RYR3: variants seen among roughly 807,000 people sequenced by gnomAD.
The protein encoded by RYR3 is brain ryanodine receptor-calcium release channel.
RYR3 carries 207 observed loss-of-function variants against 584.3 expected under a neutral mutation model. The ratio of observed to expected loss-of-function variants is 0.35; its 90% CI spans 0.32 to 0.40. The LOEUF (loss-of-function observed/expected upper bound fraction) is 0.40. Ranked by LOEUF, RYR3 falls within the 10% of genes least tolerant of loss-of-function variation. The pLI is 1.00. For missense variants in RYR3, 5,616 were observed against 6,089.2 expected (o/e 0.92, Z 2.59); for synonymous variants, 2,416 against 2,248.5 (o/e 1.07, Z -2.11).
chr15:33,802,776 T>G (rs2075987589), intron 69 of RYR3, among the ~76,000 whole-genome samples: 1 of 152,254 alleles, frequency 6.6e-6, no homozygotes, highest in African/African-American at 2.4e-5. Context: ...TGTGCCTCAG[T>G]GAGGGTTGAT....
intron 38 of RYR3, among the ~76,000 whole-genome samples, chr15:33,676,260 A>G (rs983666156): frequency 6.7e-6 from 1 of 149,462 alleles, no homozygotes; most frequent in African/African-American, 2.5e-5. Context: ...AAAAAAGGCA[A>G]GGAAATGGAT....
In RYR3 at chr15:33,562,072, G is replaced by A. The variant is rs866930517; in HGVS notation, c.973-765G>A. Among the ~76,000 whole-genome samples the A allele has an allele frequency of 3.9e-5, 6 of 152,136 alleles. No individual in the cohort carries two copies. In the South Asian group the frequency reaches 8.3e-4, roughly 21 times the overall value. ...GTATAACCATTCAGAATAGAACCAC[G>A]GAGGCCCTGATTGATGAGGAGGGGA... On this transcript the variant is annotated intron_variant, in intron 10 of 103. Coordinates refer to ENST00000634891, the MANE Select transcript of RYR3 (RefSeq NM_001036.6).
intron 32 of RYR3, among the ~76,000 whole-genome samples, chr15:33,655,789 C>G (rs1251949460): frequency 6.6e-6 from 1 of 152,194 alleles, no homozygotes; most frequent in African/African-American, 2.4e-5. Context: ...ACGTGTCCTG[C>G]CATGCATTTG....
intron 1 of RYR3, among the ~76,000 whole-genome samples, chr15:33,379,596 G>A (rs57640347): frequency 0.078 from 11,795 of 150,478 alleles, 1,008 homozygotes; most frequent in African/African-American, 0.22. Context: ...TTGAATCTGT[G>A]TTAGGGTTCT....
intron 2 of RYR3, among the ~76,000 whole-genome samples, chr15:33,503,288 T>G (rs935665634): frequency 2.0e-5 from 3 of 152,196 alleles, no homozygotes; most frequent in East Asian, 1.9e-4. Flanking sequence ...CCAGTGGCTT[T>G]CTTTCTCTGG....
intron 12 of RYR3, among the ~76,000 whole-genome samples, chr15:33,569,416 C>T (rs1351401392): frequency 6.6e-6 from 1 of 152,106 alleles, no homozygotes; most frequent in Non-Finnish European, 1.5e-5. Flanking sequence ...TCTCCTGTCC[C>T]TCAGCCCCTT....
chr15:33,823,202 G>T (rs1408927876), intron 81 of RYR3, 130 bp downstream of exon 81: 3 of 668,322 alleles, frequency 4.5e-6, no homozygotes, highest in Non-Finnish European at 7.5e-6. Context: ...TACTTAGAAA[G>T]CTAAGAGAGT....
chr15:33,499,499 T>A (rs940687876), intron 2 of RYR3, among the ~76,000 whole-genome samples: 1 of 152,186 alleles, frequency 6.6e-6, no homozygotes. Flanking sequence ...GATTTTGCCT[T>A]ATTTTTATAC....
At chr15:33,329,739 A>C (rs974711678) in intron 1 of RYR3, among the ~76,000 whole-genome samples, 1 of 152,120 alleles carries the variant, frequency 6.6e-6, no homozygotes, top group Non-Finnish European at 1.5e-5. Context: ...AGGATAGTCT[A>C]TTTTTCATTT....
intron 67 of RYR3, among the ~76,000 whole-genome samples, chr15:33,796,590 G>A (rs1400093414): frequency 6.6e-6 from 1 of 152,144 alleles, no homozygotes; most frequent in Non-Finnish European, 1.5e-5. Context: ...AAATTTAAGG[G>A]TTACAAGTAC....
At chr15:33,598,273 T>C (rs1341612533) in intron 16 of RYR3, among the ~76,000 whole-genome samples, 1 of 123,932 alleles carries the variant, frequency 8.1e-6, no homozygotes, top group Non-Finnish European at 1.7e-5. Flanking sequence ...GACAAGGCCT[T>C]AGGAGAGAAA....
intron 40 of RYR3, among the ~76,000 whole-genome samples, chr15:33,699,102 G>A (rs944087313): frequency 2.6e-5 from 4 of 152,116 alleles, no homozygotes; most frequent in Non-Finnish European, 4.4e-5. Flanking sequence ...AAGTAGTCAG[G>A]GAAGACTCAG....
chr15:33,425,877 CG>C, intron 1 of RYR3, among the ~76,000 whole-genome samples: 1 of 152,148 alleles, frequency 6.6e-6, no homozygotes, highest in East Asian at 1.9e-4. Flanking sequence ...CTCCTGACCT[CG>C]TGATCCGCCC....
At chr15:33,623,370 G>C (rs566860042) in intron 19 of RYR3, among the ~76,000 whole-genome samples, 1 of 152,096 alleles carries the variant, frequency 6.6e-6, no homozygotes, top group African/African-American at 2.4e-5. Context: ...ATATAGTTAC[G>C]TCATGCTTTC....
chr15:33,834,476 CTTT>C (rs11337237), intron 86 of RYR3, among the ~76,000 whole-genome samples: 1 of 147,566 alleles, frequency 6.8e-6, no homozygotes, highest in Non-Finnish European at 1.5e-5. Flanking sequence ...GATTTCTTTT[CTTT>C]TTTTTTTTTT....
intron 93 of RYR3, among the ~76,000 whole-genome samples, chr15:33,845,283 G>C (rs371471578): frequency 6.6e-6 from 1 of 152,088 alleles, no homozygotes; most frequent in Non-Finnish European, 1.5e-5. Context: ...GATGGGTTTC[G>C]CTCTTGTCTC....
intron 17 of RYR3, among the ~76,000 whole-genome samples, chr15:33,602,067 G>C (rs1057422415): frequency 6.6e-6 from 1 of 152,176 alleles, no homozygotes; most frequent in Non-Finnish European, 1.5e-5. Flanking sequence ...GGCTGCACGT[G>C]AGTCATGTGA....
intron 46 of RYR3, among the ~76,000 whole-genome samples, chr15:33,726,874 C>A (rs952903286): frequency 1.3e-5 from 2 of 152,228 alleles, no homozygotes; most frequent in Non-Finnish European, 2.9e-5. Context: ...CACACAAATA[C>A]AACTGATGCA....
chr15:33,633,515 A>T (rs1010882531), intron 24 of RYR3, among the ~76,000 whole-genome samples: 7 of 152,152 alleles, frequency 4.6e-5, no homozygotes, highest in Non-Finnish European at 8.8e-5. Flanking sequence ...GTCCCAAACC[A>T]CCTGGCACAC....
Sources: allele counts gnomAD v4.1 joint callset (sites outside exome capture counted in the v4.1 genomes callset), GRCh38; gene constraint gnomAD v4.1.1; transcripts MANE v1.5; gene names NCBI Gene and HGNC (gene_info 2026-07-23, HGNC 2026-07-21).